CNTNAP5: variants seen among roughly 807,000 people sequenced by gnomAD.
The protein encoded by CNTNAP5 is contactin-associated protein-like 5.
Under a neutral mutation model 150.2 loss-of-function variants are expected in CNTNAP5, and 72 were observed. The observed-to-expected ratio is 0.48, with a 90% CI of 0.40 to 0.58. The LOEUF is 0.58. Ranked by LOEUF, CNTNAP5 falls within the 20% of genes least tolerant of loss-of-function variation. CNTNAP5 has a pLI of 0.00. For synonymous variants in CNTNAP5, 672 were observed against 619.8 expected (o/e 1.08, Z -1.25); for missense variants, 1,636 against 1,626.2 (o/e 1.01, Z -0.10).
Position 124,170,607 on chromosome 2 carries a change from C to T in CNTNAP5, c.83-51098C>T, listed in dbSNP as rs563253431. On this transcript the variant is annotated intron_variant, in intron 1 of 23. Coordinates refer to ENST00000682447, the MANE Select transcript of CNTNAP5 (RefSeq NM_001367498.1). ...TTTAAGGAGTGCCCTGGGTAAGCTA[C>T]CACGGTGGTGAGGTGCATTTGGGTA... Among the ~76,000 whole-genome samples, 4 of 152,266 alleles carry T rather than the reference C, an allele frequency of 2.6e-5. No homozygotes were observed. The East Asian group carries it at 7.7e-4, about 29-fold the overall frequency.
At chr2:124,087,001 C>A (rs1277039163) in intron 1 of CNTNAP5, among the ~76,000 whole-genome samples, 5 of 151,700 alleles carry the variant, frequency 3.3e-5, no homozygotes, top group Non-Finnish European at 5.9e-5. Flanking sequence ...CTAGGTATTA[C>A]ACCCTATTTT....
chr2:124,489,200 C>A (rs1693962251), intron 7 of CNTNAP5, among the ~76,000 whole-genome samples: 1 of 152,202 alleles, frequency 6.6e-6, no homozygotes, highest in Non-Finnish European at 1.5e-5. Flanking sequence ...TATTAGTCTG[C>A]TCTCACTGCC....
At chr2:124,285,472 T>C (rs1308311603) in intron 3 of CNTNAP5, among the ~76,000 whole-genome samples, 3 of 152,156 alleles carry the variant, frequency 2.0e-5, no homozygotes, top group Non-Finnish European at 4.4e-5. Flanking sequence ...TCTACAGTTT[T>C]AGACTTTCTG....
intron 13 of CNTNAP5, among the ~76,000 whole-genome samples, chr2:124,670,938 T>C (rs1393743448): frequency 6.6e-6 from 1 of 152,212 alleles, no homozygotes; most frequent in Non-Finnish European, 1.5e-5. Flanking sequence ...AAGCATGTTT[T>C]TAGACTTAAG....
intron 11 of CNTNAP5, among the ~76,000 whole-genome samples, chr2:124,588,177 C>CTTCTTTCTTTATTTCT (rs1696591484): frequency 9.0e-6 from 1 of 110,820 alleles, no homozygotes; most frequent in South Asian, 3.2e-4. Context: ...TCCTTCCTTC[C>CTTCTTTCTTTATTTCT]TTCTTTCTTT....
rs148139419 is a variant in CNTNAP5 at position 124,215,271 on chromosome 2, G to A, written c.83-6434G>A. Among the ~76,000 whole-genome samples, 34 of 152,190 alleles carry A rather than the reference G, an allele frequency of 2.2e-4. No individual in the cohort carries two copies. The East Asian group carries it at 6.4e-3, about 28-fold the overall frequency. ...GACAATTTACCGTGGTAATCAAGAC[G>A]ATGCACACAATTGAACTTCAGTACC... On this transcript the variant is annotated intron_variant, in intron 1 of 23. Coordinates refer to ENST00000682447, the MANE Select transcript of CNTNAP5 (RefSeq NM_001367498.1).
intron 13 of CNTNAP5, among the ~76,000 whole-genome samples, chr2:124,706,907 G>A (rs1423987040): frequency 6.2e-4 from 3 of 4,874 alleles, no homozygotes; most frequent in Admixed American, 1.8e-3. Flanking sequence ...GAAGAAGGAG[G>A]AGGAGGAGGA....
chr2:124,650,935 ACAAAT>A (rs1162723068), intron 13 of CNTNAP5, among the ~76,000 whole-genome samples: 1 of 152,168 alleles, frequency 6.6e-6, no homozygotes, highest in Admixed American at 6.5e-5. Context: ...TATCCTCAGG[ACAAAT>A]TCCTTGAGGT....
At chr2:124,416,030 T>C (rs996435123) in intron 3 of CNTNAP5, among the ~76,000 whole-genome samples, 2 of 152,120 alleles carry the variant, frequency 1.3e-5, no homozygotes, top group Non-Finnish European at 2.9e-5. Context: ...CTAGGTGTGG[T>C]GTTTAATTTT....
At chr2:124,445,969 C>G (rs951425138) in intron 5 of CNTNAP5, among the ~76,000 whole-genome samples, 1 of 152,038 alleles carries the variant, frequency 6.6e-6, no homozygotes, top group African/African-American at 2.4e-5. Flanking sequence ...GGAGGGGGAA[C>G]CAGGCAGGTT....
At chr2:124,516,135 G>A (rs772251116) in intron 8 of CNTNAP5, among the ~76,000 whole-genome samples, 3 of 152,130 alleles carry the variant, frequency 2.0e-5, no homozygotes, top group East Asian at 1.9e-4. Context: ...AAAGTTAATC[G>A]AATTTGATAG....
At chr2:124,887,477 C>T (rs997851172) in intron 21 of CNTNAP5, among the ~76,000 whole-genome samples, 1 of 152,010 alleles carries the variant, frequency 6.6e-6, no homozygotes, top group East Asian at 1.9e-4. Flanking sequence ...GGATTCTAGG[C>T]CTCAGTTTTC....
At chr2:124,231,760 C>T (rs1686625478) in intron 2 of CNTNAP5, among the ~76,000 whole-genome samples, 1 of 152,110 alleles carries the variant, frequency 6.6e-6, no homozygotes, top group Admixed American at 6.6e-5. Context: ...TTGAAAGATA[C>T]AGGACAGAAA....
chr2:124,433,649 T>A (rs1254506269), intron 4 of CNTNAP5, among the ~76,000 whole-genome samples: 1 of 152,054 alleles, frequency 6.6e-6, no homozygotes, highest in Non-Finnish European at 1.5e-5. Context: ...CAGTCTTACA[T>A]GTTTTTCTAC....
intron 21 of CNTNAP5, among the ~76,000 whole-genome samples, chr2:124,875,244 C>A (rs1677829866): frequency 6.6e-6 from 1 of 152,026 alleles, no homozygotes; most frequent in South Asian, 2.1e-4. Context: ...TGAATTATGG[C>A]TGCCATTTAT....
intron 4 of CNTNAP5, among the ~76,000 whole-genome samples, chr2:124,424,893 A>T (rs1372437583): frequency 1.3e-5 from 2 of 152,244 alleles, no homozygotes; most frequent in South Asian, 2.1e-4. Flanking sequence ...GAGAAAAAAA[A>T]TACACAGCTA....
At chr2:124,295,209 T>C (rs987251366) in intron 3 of CNTNAP5, among the ~76,000 whole-genome samples, 14 of 151,900 alleles carry the variant, frequency 9.2e-5, no homozygotes, top group African/African-American at 3.4e-4. Context: ...ATTTCTTTTT[T>C]TTTTTTTTTC....
chr2:124,526,542 C>G (rs771104765), intron 9 of CNTNAP5, among the ~76,000 whole-genome samples: 1 of 152,192 alleles, frequency 6.6e-6, no homozygotes, highest in Non-Finnish European at 1.5e-5. Context: ...CACAAGCACT[C>G]ATATACCTGC....
In CNTNAP5 at chr2:124,920,619, T is replaced by A. The variant is rs1312931266; in HGVS notation, c.*6331T>A. ...AGTTGACAGGCCTCCTGATATCCTG[T>A]GTTGCCTTGGACTAACATTTTCCTT... is the stretch of plus-strand genomic sequence containing the variant. On this transcript the variant is annotated 3_prime_UTR_variant, in exon 24 of 24. Coordinates refer to ENST00000682447, the MANE Select transcript of CNTNAP5 (RefSeq NM_001367498.1). Among the ~76,000 whole-genome samples the A allele has an allele frequency of 6.6e-6, 1 of 152,160 alleles. No individual in the cohort carries two copies. The highest frequency in any genetic ancestry group is 2.4e-5 in the African/African-American group (1 of 41,452).
Sources: gnomAD v4.1 joint callset for allele counts (sites outside exome capture counted in the v4.1 genomes callset) on GRCh38, gnomAD v4.1.1 for gene constraint, MANE v1.5 for transcripts, NCBI Gene and HGNC (gene_info 2026-07-23, HGNC 2026-07-21) for gene names.